MND1: variants seen among roughly 807,000 people sequenced by gnomAD.
MND1 encodes the protein meiotic nuclear division protein 1 homolog.
Under a neutral mutation model 35.1 loss-of-function variants are expected in MND1, and 28 were observed. The observed-to-expected ratio is 0.80, with a 90% CI of 0.59 to 1.09. The LOEUF is 1.09. Among genes scored for constraint, MND1 ranks in the 50% least tolerant of loss-of-function variants. The pLI, the probability that MND1 is intolerant of heterozygous loss-of-function variation, is 0.00. For missense variants in MND1, 213 were observed against 239.6 expected (o/e 0.89, Z 0.73); for synonymous variants, 69 against 70.5 (o/e 0.98, Z 0.11).
chr4:153,373,947 A>G (rs1461225504), intron 4 of MND1, among the ~76,000 whole-genome samples: 1 of 152,190 alleles, frequency 6.6e-6, no homozygotes, highest in Non-Finnish European at 1.5e-5. Context: ...AAGATCACTT[A>G]TCATTTTAGA....
intron 6 of MND1, among the ~76,000 whole-genome samples, chr4:153,399,875 T>C (rs1344098605): frequency 1.3e-5 from 2 of 151,114 alleles, no homozygotes; most frequent in African/African-American, 4.9e-5. Context: ...TGAAATTTTC[T>C]GTTTTTTCAG....
intron 6 of MND1, among the ~76,000 whole-genome samples, chr4:153,401,261 A>T (rs758997737): frequency 3.0e-4 from 45 of 152,144 alleles, no homozygotes; most frequent in Non-Finnish European, 1.9e-4. Flanking sequence ...TAAAAATTTT[A>T]AAAATATGAA....
chr4:153,397,459 T>C (rs1729229791), intron 6 of MND1, 126 bp downstream of exon 6: 2 of 613,356 alleles, frequency 3.3e-6, no homozygotes, highest in Non-Finnish European at 5.6e-6. Context: ...AGTATTCTGT[T>C]TGTAGTACTC....
intron 6 of MND1, among the ~76,000 whole-genome samples, chr4:153,403,343 G>A (rs28870985): frequency 0.07 from 10,636 of 152,220 alleles, 639 homozygotes; most frequent in African/African-American, 0.17. Flanking sequence ...TGCTGAGAAC[G>A]CATGTCGCAG....
chr4:153,358,136 A>AT (rs1385402456), intron 3 of MND1, among the ~76,000 whole-genome samples: 1 of 152,198 alleles, frequency 6.6e-6, no homozygotes, highest in African/African-American at 2.4e-5. Flanking sequence ...TATCTAATAG[A>AT]TTTTTTAAAT....
In MND1 at chr4:153,397,346, C is replaced by T. The variant is rs200277181; in HGVS notation, c.466+13C>T. On this transcript the variant is annotated intron_variant, in intron 6 of 7. Transcript: ENST00000240488. The stretch of plus-strand genomic sequence containing the variant: ...GTGGAAGAAATACGTAAGTTTGTGT[C>T]ATACCTTAGGGATCTTTAACTTTGA... The T allele has an allele frequency of 3.8e-6, 6 of 1,578,516 alleles. No homozygotes were observed. In the East Asian group the frequency reaches 1.4e-4, roughly 36 times the overall value.
intron 2 of MND1, among the ~76,000 whole-genome samples, chr4:153,355,175 T>G (rs1267004686): frequency 6.6e-6 from 1 of 151,686 alleles, no homozygotes; most frequent in African/African-American, 2.4e-5. Flanking sequence ...AAAAAAAAAT[T>G]GTATATATAT....
chr4:153,355,228 A>G (rs1458988135), intron 2 of MND1, among the ~76,000 whole-genome samples: 1 of 152,190 alleles, frequency 6.6e-6, no homozygotes. Flanking sequence ...GTTCTATTGA[A>G]GGTATGGAAT....
intron 2 of MND1, among the ~76,000 whole-genome samples, chr4:153,352,947 CTTCTT>C (rs943161193): frequency 7.9e-5 from 12 of 152,090 alleles, no homozygotes; most frequent in Non-Finnish European, 1.5e-5. Flanking sequence ...TCTGAGGCTA[CTTCTT>C]TCCAAGCCTG....
At chr4:153,372,822 T>C (rs1343399722) in intron 4 of MND1, among the ~76,000 whole-genome samples, 1 of 152,216 alleles carries the variant, frequency 6.6e-6, no homozygotes, top group African/African-American at 2.4e-5. Context: ...GAGTGGAATT[T>C]CAGTGTATGA....
intron 4 of MND1, among the ~76,000 whole-genome samples, chr4:153,384,223 CT>C (rs1728785254): frequency 8.7e-6 from 1 of 115,492 alleles, no homozygotes; most frequent in Non-Finnish European, 1.8e-5. Flanking sequence ...AATCTGCCTG[CT>C]TTTTTTCATC....
chr4:153,360,580 CTGTA>C (rs1267261964), intron 4 of MND1, among the ~76,000 whole-genome samples: 95 of 123,842 alleles, frequency 7.7e-4, no homozygotes, highest in South Asian at 1.6e-3. Context: ...TACTTCTTTT[CTGTA>C]TGTGTGTGTG....
intron 2 of MND1, among the ~76,000 whole-genome samples, chr4:153,353,320 C>T (rs2149630053): frequency 6.7e-6 from 1 of 148,752 alleles, no homozygotes; most frequent in South Asian, 2.1e-4. Flanking sequence ...TTCAAACATA[C>T]AGCAAAGATG....
intron 4 of MND1, among the ~76,000 whole-genome samples, chr4:153,393,647 G>A (rs1374133561): frequency 6.6e-6 from 1 of 151,622 alleles, no homozygotes; most frequent in Non-Finnish European, 1.5e-5. Context: ...TCAAAGTGCT[G>A]GGATTGCAGG....
intron 1 of MND1, among the ~76,000 whole-genome samples, chr4:153,345,095 TAA>T (rs1452320289): frequency 5.9e-5 from 9 of 152,146 alleles, no homozygotes; most frequent in Non-Finnish European, 1.5e-5. Flanking sequence ...TGGATTTATC[TAA>T]AAGACCACGG....
intron 6 of MND1, among the ~76,000 whole-genome samples, chr4:153,398,924 C>T (rs1036984452): frequency 6.6e-6 from 1 of 152,192 alleles, no homozygotes; most frequent in African/African-American, 2.4e-5. Flanking sequence ...AAACAGACTG[C>T]TTGTTCAGGA....
At chr4:153,412,727 A>G (rs1729719629) in intron 7 of MND1, among the ~76,000 whole-genome samples, 1 of 150,760 alleles carries the variant, frequency 6.6e-6, no homozygotes. Context: ...ACCTCAGGCA[A>G]TCTGCCTGCC....
intron 4 of MND1, among the ~76,000 whole-genome samples, chr4:153,364,065 A>G (rs1773563796): frequency 6.6e-6 from 1 of 151,830 alleles, no homozygotes; most frequent in Non-Finnish European, 1.5e-5. Flanking sequence ...AAGATTTATT[A>G]CAAAATAATA....
chr4:153,395,713 T>A (rs1177960391), intron 5 of MND1, among the ~76,000 whole-genome samples: 1 of 152,200 alleles, frequency 6.6e-6, no homozygotes, highest in East Asian at 1.9e-4. Flanking sequence ...CTGTCTCCAT[T>A]TTGCTTTCAA....
Sources: allele counts gnomAD v4.1 joint callset (sites outside exome capture counted in the v4.1 genomes callset), GRCh38; gene constraint gnomAD v4.1.1; transcripts MANE v1.5; gene names NCBI Gene and HGNC (gene_info 2026-07-23, HGNC 2026-07-21).